Variants in TUFT1 observed in about 807,000 individuals in gnomAD.
The protein encoded by TUFT1 is tuftelin.
In TUFT1, 43 loss-of-function variants were observed where a neutral mutation model predicts 57.8. The ratio of observed to expected loss-of-function variants is 0.74; its 90% CI spans 0.58 to 0.96. The LOEUF (loss-of-function observed/expected upper bound fraction) is 0.96, where lower values mean the gene tolerates loss of function less well. Ranked by LOEUF, TUFT1 falls within the 40% of genes least tolerant of loss-of-function variation. The probability of loss-of-function intolerance (pLI) is 0.00; values close to 1 mark genes in which losing one functional copy is unlikely to be tolerated. For missense variants in TUFT1, 459 were observed against 489.0 expected (o/e 0.94, Z 0.58); for synonymous variants, 166 against 176.7 (o/e 0.94, Z 0.48).
In TUFT1 at chr1:151,582,473, G is replaced by A. The variant is rs1666672552; in HGVS notation, c.*766G>A. 7.4e-6 allele frequency: 2 copies of A among 269,900 alleles called. No individual in the cohort carries two copies. Among genetic ancestry groups the A allele is most frequent in the South Asian group, 8.0e-5 (2 of 24,912 alleles). The allele number at this position is 269,900 out of a possible 1,614,324, so 16.7% of individuals were successfully genotyped here. A position where few individuals can be genotyped will look rare whatever the true frequency, so the allele number is the denominator to read the frequency against. ...GGCACACCTCAGTCTTCTTGACCCA[G>A]AGCCTGAAAACTGTTTTCACTGGGT... On this transcript the variant is annotated 3_prime_UTR_variant, in exon 13 of 13. Coordinates refer to ENST00000368849, the MANE Select transcript of TUFT1 (RefSeq NM_020127.3).
intron 1 of TUFT1, among the ~76,000 whole-genome samples, chr1:151,544,266 C>A (rs1665261630): frequency 6.6e-6 from 1 of 152,060 alleles, no homozygotes. Flanking sequence ...CAGGTGTGCA[C>A]CACTGCACCT....
chr1:151,558,350 T>G (rs1329581111), intron 1 of TUFT1, among the ~76,000 whole-genome samples: 1 of 151,770 alleles, frequency 6.6e-6, no homozygotes, highest in African/African-American at 2.4e-5. Context: ...GAAAATAACC[T>G]TTGAGGGATC....
At chr1:151,556,692 G>A (rs748292908) in intron 1 of TUFT1, among the ~76,000 whole-genome samples, 1 of 152,000 alleles carries the variant, frequency 6.6e-6, no homozygotes, top group Admixed American at 6.6e-5. Flanking sequence ...ATTACAGGCC[G>A]GACACAGTGA....
In TUFT1 at chr1:151,578,734, G is replaced by C. The variant is rs1291875677; in HGVS notation, c.832G>C (p.Glu278Gln). Residue 278 changes from glutamate to glutamine, a missense_variant, in exon 10 of 13, where the codon GAA becomes CAA. Coordinates refer to ENST00000368849, the MANE Select transcript of TUFT1 (RefSeq NM_020127.3). The part of the protein sequence containing the change: ...QAEREKAATL[E>Q]KEVAGLREKI... ...CTTTATCCCCAGGGCTGCTACCCTG[G>C]AAAAGGAAGTGGCCGGGTTGCGGGA... The C allele has an allele frequency of 6.4e-7, 1 of 1,571,498 alleles. No homozygotes were observed. Among genetic ancestry groups the C allele is most frequent in the African/African-American group, 1.3e-5 (1 of 74,076 alleles).
Position 151,540,330 on chromosome 1 carries a change from T to C in TUFT1, c.-37T>C, listed in dbSNP as rs145605052. ...GCCCAGTTGGAGCCAGACAGCGGGG[T>C]GGACAAGTGGCGTGTGTGCTGCGAC... On this transcript the variant is annotated 5_prime_UTR_variant, in exon 1 of 13. Coordinates refer to ENST00000368849, the MANE Select transcript of TUFT1 (RefSeq NM_020127.3). 5 of 1,613,218 alleles carry C rather than the reference T, an allele frequency of 3.1e-6. No homozygotes were observed. Among genetic ancestry groups the C allele is most frequent in the Non-Finnish European group, 4.2e-6 (5 of 1,179,574 alleles).
Position 151,578,789 on chromosome 1 carries a change from A to G in TUFT1, c.887A>G (p.Lys296Arg), listed in dbSNP as rs16833395. The G allele has an allele frequency of 3.7e-3, 5,889 of 1,582,742 alleles. 208 individuals carry two copies. The African/African-American group carries it at 0.072, about 19-fold the overall frequency. The change falls in exon 10 of 13, where the codon AAG becomes AGG. Residue 296 changes from lysine to arginine, a missense_variant. Coordinates refer to ENST00000368849, the MANE Select transcript of TUFT1 (RefSeq NM_020127.3). ...EKIHHLDDML[K>R]SQQRKVRQMI... ...ATCCACCACTTGGATGACATGCTCA[A>G]GAGCCAGCAGCGGAAAGTCCGGCAA...
rs1225321128 is a variant in TUFT1 at position 151,540,536 on chromosome 1, C to T, written c.60+110C>T. 2.4e-6 allele frequency: 3 copies of T among 1,275,902 alleles called. No homozygotes were observed. The East Asian group carries it at 7.0e-5, about 30-fold the overall frequency. 79.0% of individuals were successfully genotyped at this position (1,275,902 alleles called of 1,614,324 possible). A position where few individuals can be genotyped will look rare whatever the true frequency, so the allele number is the denominator to read the frequency against. On this transcript the variant is annotated intron_variant, in intron 1 of 12. Transcript: ENST00000368849. ...CTGACATCACCTGGTGCCCGGCTCG[C>T]GCGGTCAGCCCTGCGCGGCGCTTCT...
intron 11 of TUFT1, among the ~76,000 whole-genome samples, chr1:151,580,663 A>G (rs1191531254): frequency 7.5e-5 from 3 of 40,218 alleles, no homozygotes; most frequent in Admixed American, 6.7e-4. Flanking sequence ...CCCTATCTCA[A>G]AAAAAAAAAA....
At chr1:151,567,316 T>C (rs1354422096) in intron 6 of TUFT1, among the ~76,000 whole-genome samples, 1 of 152,134 alleles carries the variant, frequency 6.6e-6, no homozygotes, top group Admixed American at 6.5e-5. Context: ...TGGGCTCAGG[T>C]AGTCCTCCTG....
chr1:151,550,152 C>T (rs1665465594), intron 1 of TUFT1, among the ~76,000 whole-genome samples: 1 of 152,072 alleles, frequency 6.6e-6, no homozygotes, highest in Non-Finnish European at 1.5e-5. Context: ...CTGCCTCAGC[C>T]TCCCAGGCAA....
At chr1:151,573,873 C>T (rs1241035332) in intron 7 of TUFT1, among the ~76,000 whole-genome samples, 1 of 152,052 alleles carries the variant, frequency 6.6e-6, no homozygotes, top group Admixed American at 6.5e-5. Context: ...GTTGAGGAGA[C>T]AGAAGAAAGG....
chr1:151,574,852 C>T, intron 8 of TUFT1, 59 bp from the exon 9 acceptor site: 1 of 1,459,250 alleles, frequency 6.9e-7, no homozygotes, highest in Non-Finnish European at 9.4e-7. Flanking sequence ...CCATCTTAGC[C>T]CAAACGCAGA....
At chr1:151,547,783 C>A (rs1571686040) in intron 1 of TUFT1, among the ~76,000 whole-genome samples, 1 of 152,218 alleles carries the variant, frequency 6.6e-6, no homozygotes, top group Non-Finnish European at 1.5e-5. Context: ...AAGTGGGTGT[C>A]TCCTTCAGAG....
chr1:151,563,607 T>G (rs979822467), intron 3 of TUFT1, among the ~76,000 whole-genome samples: 1 of 152,246 alleles, frequency 6.6e-6, no homozygotes, highest in South Asian at 2.1e-4. Context: ...TAATGATGCA[T>G]CCCTCAGAAT....
In TUFT1 at chr1:151,583,170, G is replaced by C. The variant is rs1025800355; in HGVS notation, c.*1463G>C. The C allele has an allele frequency of 3.3e-5, 5 of 152,136 alleles. No individual in the cohort carries two copies. The highest frequency in any genetic ancestry group is 6.5e-5 in the Admixed American group (1 of 15,270). 9.4% of individuals were successfully genotyped at this position (152,136 alleles called of 1,614,324 possible). A position where few individuals can be genotyped will look rare whatever the true frequency, so the allele number is the denominator to read the frequency against. On this transcript the variant is annotated 3_prime_UTR_variant, in exon 13 of 13. Coordinates refer to ENST00000368849, the MANE Select transcript of TUFT1 (RefSeq NM_020127.3). ...GCTGGTCTCGAATTCCTGACCTCAG[G>C]TGATCCACCCACCTCGGCTTCCCAA... is the stretch of plus-strand genomic sequence containing the variant.
At chr1:151,546,534 ATCTC>A (rs1048748943) in intron 1 of TUFT1, among the ~76,000 whole-genome samples, 1 of 151,764 alleles carries the variant, frequency 6.6e-6, no homozygotes, top group African/African-American at 2.4e-5. Flanking sequence ...TTTCCCCCCA[ATCTC>A]TCTCAGCCCT....
chr1:151,572,479 A>G (rs1358602201), intron 7 of TUFT1, among the ~76,000 whole-genome samples: 2 of 152,130 alleles, frequency 1.3e-5, no homozygotes, highest in Non-Finnish European at 2.9e-5. Flanking sequence ...ATGTACAGAA[A>G]TGTACATAAA....
At chr1:151,563,821 C>T (rs1665974348) in intron 3 of TUFT1, 83 bp from the exon 4 acceptor site, 5 of 1,176,744 alleles carry the variant, frequency 4.2e-6, no homozygotes, top group South Asian at 1.3e-5. Flanking sequence ...ATTTACCCTC[C>T]CACCAGCACT....
intron 7 of TUFT1, among the ~76,000 whole-genome samples, chr1:151,571,227 G>A (rs762503250): frequency 2.0e-5 from 3 of 152,216 alleles, no homozygotes; most frequent in Non-Finnish European, 1.5e-5. Context: ...GCGGTGAGGA[G>A]GAAGGGCACC....
Sources: allele counts gnomAD v4.1 joint callset (sites outside exome capture counted in the v4.1 genomes callset), GRCh38; gene constraint gnomAD v4.1.1; transcripts MANE v1.5; gene names NCBI Gene and HGNC (gene_info 2026-07-23, HGNC 2026-07-21).